ZC3HAV1: variants seen among roughly 807,000 people sequenced by gnomAD.
ZC3HAV1 encodes the protein zinc finger CCCH-type antiviral protein 1.
Under a neutral mutation model 86.6 loss-of-function variants are expected in ZC3HAV1, and 41 were observed. That is an observed-to-expected ratio of 0.47 (90% CI 0.37 to 0.61). The LOEUF is 0.61. Among genes scored for constraint, ZC3HAV1 ranks in the 20% least tolerant of loss-of-function variants. The pLI is 0.00. For missense variants in ZC3HAV1, 964 were observed against 1,141.1 expected (o/e 0.84, Z 2.24); for synonymous variants, 421 against 432.1 (o/e 0.97, Z 0.32).
Position 139,045,320 on chromosome 7 carries a change from A to G in ZC3HAV1, c.*2274T>C, listed in dbSNP as rs970601482. The G allele has an allele frequency of 3.9e-5, 6 of 152,210 alleles. No homozygotes were observed. Among genetic ancestry groups the G allele is most frequent in the African/African-American group, 1.4e-4 (6 of 41,458 alleles). 9.4% of individuals were successfully genotyped at this position (152,210 alleles called of 1,614,324 possible). A position where few individuals can be genotyped will look rare whatever the true frequency, so the allele number is the denominator to read the frequency against. On this transcript the variant is annotated 3_prime_UTR_variant, in exon 13 of 13. Transcript: ENST00000242351. ...GAAAGGAAGCCAGAGTGGCTTGCGC[A>G]GAAGAAACTAAATGATAGAGGGGTA...
rs1387154466 is a variant in ZC3HAV1 at position 139,109,486 on chromosome 7, C to T, written c.-155G>A. 5 of 937,188 alleles carry T rather than the reference C, an allele frequency of 5.3e-6. No individual in the cohort carries two copies. Among genetic ancestry groups the T allele is most frequent in the Admixed American group, 3.0e-5 (1 of 33,296 alleles). The allele number at this position is 937,188 out of a possible 1,614,324, so 58.1% of individuals were successfully genotyped here. ...GGCGCGCTCTCCGTCGCCGTTAGCC[C>T]AGCCCAGCGATCCACTCTCGGCTCT... On this transcript the variant is annotated 5_prime_UTR_variant, in exon 1 of 13. Transcript: ENST00000242351.
chr7:139,054,355 G>A (rs1011628857), intron 10 of ZC3HAV1, among the ~76,000 whole-genome samples: 1 of 152,150 alleles, frequency 6.6e-6, no homozygotes, highest in Non-Finnish European at 1.5e-5. Flanking sequence ...CCTGCAGTCT[G>A]AGTTAGTCCA....
intron 9 of ZC3HAV1, among the ~76,000 whole-genome samples, chr7:139,057,808 G>C (rs1816331617): frequency 4.6e-5 from 1 of 21,592 alleles, no homozygotes; most frequent in Admixed American, 3.8e-4. Flanking sequence ...CCACAGTGCT[G>C]GGATTACAGA....
rs373894332 is a variant in ZC3HAV1 at position 139,080,182 on chromosome 7, G to C, written c.759C>G (p.Phe253Leu). 6.2e-7 allele frequency: 1 copy of C among 1,614,084 alleles called. No homozygotes were observed. The highest frequency in any genetic ancestry group is 8.5e-7 in the Non-Finnish European group (1 of 1,180,030). ...YRARSKSRDR[F>L]FQGSQEFLAS... Reference sequence around the variant, plus strand: ...CAAGAAATTCTTGGCTGCCCTGAAAGAACCGATCTCTACTCTTGCTTCTAG... The same window carrying C: ...CAAGAAATTCTTGGCTGCCCTGAAACAACCGATCTCTACTCTTGCTTCTAG... Residue 253 changes from phenylalanine (F) to leucine (L), a missense_variant, in exon 4 of 13, where the codon TTC (phenylalanine) becomes TTG (leucine). By Grantham distance (22) the Phe-to-Leu change is conservative (BLOSUM62 0). Coordinates refer to ENST00000242351, the MANE Select transcript of ZC3HAV1 (RefSeq NM_020119.4).
intron 2 of ZC3HAV1, among the ~76,000 whole-genome samples, chr7:139,087,827 G>A (rs946161034): frequency 1.3e-5 from 2 of 151,614 alleles, no homozygotes; most frequent in Admixed American, 6.6e-5. Flanking sequence ...TCAGGAGTTC[G>A]AGACCAGCCT....
rs540934353 is a variant in ZC3HAV1 at position 139,078,467 on chromosome 7, G to A, written c.1573+85C>T. The A allele has an allele frequency of 8.2e-5, 79 of 962,106 alleles. 1 individual carries two copies. In the South Asian group the frequency reaches 1.2e-3, roughly 15 times the overall value. 59.6% of individuals were successfully genotyped at this position (962,106 alleles called of 1,614,324 possible). On this transcript the variant is annotated intron_variant, in intron 5 of 12. Transcript: ENST00000242351. ...AGAATTGAAAGCAGGGTTTTCAGAAGGCATTTGCACACCCATGTTCATAGC... is the reference window on the plus strand; with the variant it reads ...AGAATTGAAAGCAGGGTTTTCAGAAAGCATTTGCACACCCATGTTCATAGC...
chr7:139,072,414 G>C (rs1270573826), intron 7 of ZC3HAV1, among the ~76,000 whole-genome samples: 1 of 151,994 alleles, frequency 6.6e-6, no homozygotes, highest in Admixed American at 6.6e-5. Context: ...TCGAACTCCT[G>C]ACTTCAGGTG....
Position 139,080,057 on chromosome 7 carries a change from C to A in ZC3HAV1, c.884G>T (p.Arg295Leu), listed in dbSNP as rs138485120. The A allele has an allele frequency of 1.4e-5, 23 of 1,614,138 alleles. No individual in the cohort carries two copies. Among genetic ancestry groups the A allele is most frequent in the African/African-American group, 2.7e-5 (2 of 75,042 alleles). The change falls in exon 4 of 13, where the codon CGC (arginine) becomes CTC (leucine). Residue 295 changes from arginine to leucine, a missense_variant. Arg to Leu is a moderately radical substitution (Grantham distance 102). Transcript: ENST00000242351. ...CTGACTCCCCAGATACGTGAACTTG[C>A]GGGTGAGATCGTCCACAGGCGCGTC... ...LEDAPVDDLT[R>L]KFTYLGSQDR...
At position 139,108,064 on chromosome 7, in the gene ZC3HAV1, AG is replaced by A. The variant is rs1300044505; in HGVS notation, c.308+959del. ...GGATTAAAACCCTGCCTGGGGGAAA[AG>A]ATGAGTTTGACTCCATGGACAGGAC... On this transcript the variant is annotated intron_variant, in intron 1 of 12. Coordinates refer to ENST00000242351, the MANE Select transcript of ZC3HAV1 (RefSeq NM_020119.4). This position sits in a 1 kb window ranked among gnomAD's most constrained non-coding sequence, Gnocchi z 4.2. Among the ~76,000 whole-genome samples the A allele has an allele frequency of 6.6e-6, 1 of 152,136 alleles. No homozygotes were observed. Among genetic ancestry groups the A allele is most frequent in the African/African-American group, 2.4e-5 (1 of 41,422 alleles).
chr7:139,086,718 A>G (rs1817282543), intron 2 of ZC3HAV1, among the ~76,000 whole-genome samples: 1 of 152,178 alleles, frequency 6.6e-6, no homozygotes, highest in Admixed American at 6.5e-5. Context: ...AGGCAATTGA[A>G]TCATGGGGGC....
intron 1 of ZC3HAV1, among the ~76,000 whole-genome samples, chr7:139,106,181 C>T (rs180701136): frequency 2.4e-4 from 37 of 152,208 alleles, no homozygotes; most frequent in African/African-American, 8.2e-4. Context: ...ACCCAATTAA[C>T]GAGTTTAAAA....
chr7:139,079,427 T>C (rs1387469802), intron 4 of ZC3HAV1, 43 bp downstream of exon 4: 11 of 1,613,960 alleles, frequency 6.8e-6, no homozygotes, highest in Non-Finnish European at 9.3e-6. Flanking sequence ...TGGTATATCA[T>C]GAACAAATGT....
At chr7:139,084,149 G>A in intron 2 of ZC3HAV1, 117 bp from the exon 3 acceptor site, 1 of 1,366,230 alleles carries the variant, frequency 7.3e-7, no homozygotes, top group African/African-American at 1.4e-5. Flanking sequence ...TATACCAAAG[G>A]GGGAAAAATA....
intron 1 of ZC3HAV1, among the ~76,000 whole-genome samples, chr7:139,100,375 C>CAA (rs111487039): frequency 0.046 from 6,691 of 146,320 alleles, 174 homozygotes; most frequent in Non-Finnish European, 0.055. Context: ...ACCCAAAATA[C>CAA]AAAAAAAAAA....
chr7:139,088,048 A>AAAAAAAAG (rs1563137138), intron 2 of ZC3HAV1, among the ~76,000 whole-genome samples: 1 of 150,854 alleles, frequency 6.6e-6, no homozygotes, highest in Admixed American at 6.6e-5. Flanking sequence ...AAAAAAAAAA[A>AAAAAAAAG]AAAAAAAGAA....
chr7:139,079,089 C>T (rs1391143201), intron 4 of ZC3HAV1: 2 of 1,535,610 alleles, frequency 1.3e-6, no homozygotes, highest in South Asian at 1.2e-5. Context: ...GCCCCTTTGT[C>T]CTTCAGTGAC....
chr7:139,065,930 G>A (rs1003354256), intron 7 of ZC3HAV1, among the ~76,000 whole-genome samples: 1 of 151,822 alleles, frequency 6.6e-6, no homozygotes, highest in African/African-American at 2.4e-5. Context: ...AAGGGATAAG[G>A]CATAACCCCC....
chr7:139,101,547 G>C (rs1437538767), intron 1 of ZC3HAV1, among the ~76,000 whole-genome samples: 10 of 112,114 alleles, frequency 8.9e-5, no homozygotes, highest in Non-Finnish European at 1.8e-4. Flanking sequence ...CCATGATGAC[G>C]ATGGCGGTTT....
chr7:139,095,157 T>A (rs1485036509), intron 1 of ZC3HAV1, among the ~76,000 whole-genome samples: 2 of 151,936 alleles, frequency 1.3e-5, no homozygotes, highest in African/African-American at 4.8e-5. Flanking sequence ...AACCAGGATG[T>A]GTGAAAGATA....
Sources: allele counts gnomAD v4.1 joint callset (sites outside exome capture counted in the v4.1 genomes callset), GRCh38; gene constraint gnomAD v4.1.1; non-coding constraint Gnocchi (gnomAD v3.1); transcripts MANE v1.5; gene names NCBI Gene and HGNC (gene_info 2026-07-23, HGNC 2026-07-21).